BEST4: variants seen among roughly 807,000 people sequenced by gnomAD.
BEST4 encodes bestrophin-4.
A neutral mutation model predicts 47.1 loss-of-function variants in BEST4; 36 were observed. The observed-to-expected ratio is 0.76, with a 90% CI of 0.59 to 1.01. BEST4 has a LOEUF of 1.01. Among genes scored for constraint, BEST4 ranks in the 50% least tolerant of loss-of-function variants. The probability of loss-of-function intolerance (pLI) is 0.00; values close to 1 mark genes in which losing one functional copy is unlikely to be tolerated. For synonymous variants in BEST4, 250 were observed against 277.8 expected, an observed-to-expected ratio of 0.90 and a Z score of 1.00; for missense variants, 550 against 648.6, an observed-to-expected ratio of 0.85 and a Z score of 1.65.
In BEST4 at chr1:44,785,000, G is replaced by A; in HGVS notation, c.913-15C>T. On this transcript the variant is annotated splice_polypyrimidine_tract_variant and intron_variant, in intron 6 of 8. Coordinates refer to ENST00000372207, the MANE Select transcript of BEST4 (RefSeq NM_153274.3). The surrounding 1 kb of genome is among the most constrained non-coding windows in gnomAD (Gnocchi z 6.2). ...TGTTCAGCCACCTATAGGTGGCAGA[G>A]ACAGGGTTTTCTGGGTTCAGAGCCC... The A allele has an allele frequency of 6.2e-7, 1 of 1,612,180 alleles. No individual in the cohort carries two copies. The highest frequency in any genetic ancestry group is 1.3e-5 in the African/African-American group (1 of 74,974).
Position 44,787,727 on chromosome 1 carries a change from G to A in BEST4, c.-22C>T. 1 of 1,613,386 alleles carries A rather than the reference G, an allele frequency of 6.2e-7. No homozygotes were observed. Among genetic ancestry groups the A allele is most frequent in the Non-Finnish European group, 8.5e-7 (1 of 1,179,930 alleles). ...TCATGGTGCTGGGAGCCTGGGGCAG[G>A]AGGTCACAAGAGTTGCCCCCAGGGC... On this transcript the variant is annotated 5_prime_UTR_variant, in exon 1 of 9. Coordinates refer to ENST00000372207, the MANE Select transcript of BEST4 (RefSeq NM_153274.3).
chr1:44,789,496 C>T (rs1399393809), upstream of BEST4, among the ~76,000 whole-genome samples: 1 of 151,260 alleles, frequency 6.6e-6, no homozygotes, highest in Non-Finnish European at 1.5e-5. Flanking sequence ...GTCGGGAGTT[C>T]GAGATCAGCC....
At chr1:44,792,426 CAAAAAA>C (rs35538089), upstream of BEST4, among the ~76,000 whole-genome samples, 2 of 98,192 alleles carry the variant, frequency 2.0e-5, no homozygotes, top group Non-Finnish European at 4.3e-5. Flanking sequence ...GACTCCATCT[CAAAAAA>C]AAAAAAAAAA....
At chr1:44,792,652 G>A (rs1651442699), upstream of BEST4, among the ~76,000 whole-genome samples, 1 of 152,000 alleles carries the variant, frequency 6.6e-6, no homozygotes, top group South Asian at 2.1e-4. Flanking sequence ...TATTGCTGAA[G>A]CCAATAGCCC....
At chr1:44,785,385 G>A (rs1557613160) in intron 5 of BEST4, 80 bp from the exon 6 acceptor site, 3 of 1,427,192 alleles carry the variant, frequency 2.1e-6, no homozygotes, top group Non-Finnish European at 2.8e-6. Context: ...AGGATCTATG[G>A]GAAGTCTGAC....
chr1:44,784,460 C>T lies in BEST4; in HGVS notation c.1172G>A (p.Ser391Asn). Residue 391 changes from serine (S) to asparagine (N), a missense_variant, in exon 9 of 9, where the codon AGC (serine) becomes AAC (asparagine). Physicochemically the swap from Ser to Asn is conservative, Grantham distance 46 (BLOSUM62 1). This residue lies in a region of BEST4 where 255 missense variants were observed against 286.6 expected (regional missense o/e 0.89). Coordinates refer to ENST00000372207, the MANE Select transcript of BEST4 (RefSeq NM_153274.3). The surrounding 1 kb of genome is among the most constrained non-coding windows in gnomAD (Gnocchi z 6.2). ...NLRMSDDPEQ[S>N]LQVEASPGSG... ...TCCGGGGGACGCCTCCACCTGCAGG[C>T]TCTGCTCAGGGTCGTCGCTCATGCT... 4 of 1,442,778 alleles carry T rather than the reference C, an allele frequency of 2.8e-6. No individual in the cohort carries two copies. The highest frequency in any genetic ancestry group is 2.8e-5 in the South Asian group (2 of 70,858). The allele number at this position is 1,442,778 out of a possible 1,614,324, so 89.4% of individuals were successfully genotyped here. A position where few individuals can be genotyped will look rare whatever the true frequency, so the allele number is the denominator to read the frequency against.
At chr1:44,782,200 G>A (rs557054574), downstream of BEST4, among the ~76,000 whole-genome samples, 1 of 148,350 alleles carries the variant, frequency 6.7e-6, no homozygotes, top group East Asian at 2.0e-4. Context: ...ACAGATGACC[G>A]TTCTCACCAT....
chr1:44,783,157 G>A (rs1254285383), downstream of BEST4, among the ~76,000 whole-genome samples: 4 of 152,162 alleles, frequency 2.6e-5, no homozygotes, highest in African/African-American at 4.8e-5. Flanking sequence ...GTTTCACCAC[G>A]TTGGCCAGGC....
In BEST4 at chr1:44,788,026, G is replaced by A. The variant is rs969543904; in HGVS notation, c.-321C>T. Among the ~76,000 whole-genome samples the A allele has an allele frequency of 9.9e-5, 15 of 152,198 alleles. No individual in the cohort carries two copies. The highest frequency in any genetic ancestry group is 3.4e-4 in the African/African-American group (14 of 41,458). On this transcript the variant is annotated 5_prime_UTR_variant, in exon 1 of 9. Transcript: ENST00000372207. The stretch of plus-strand genomic sequence containing the variant: ...TCCTGAACTGCTGCGGACAAGAGAC[G>A]CAGCTCCAGCCCAAATCCACTGCTA...
chr1:44,790,458 C>T (rs1039897803), upstream of BEST4, among the ~76,000 whole-genome samples: 1 of 152,106 alleles, frequency 6.6e-6, no homozygotes, highest in Admixed American at 6.6e-5. Context: ...TGGCTCAGAG[C>T]ACCCTCTAGG....
chr1:44,786,730 GGA>G lies in BEST4; in HGVS notation c.248-36_248-35del. 6.7e-7 allele frequency: 1 copy of G among 1,500,184 alleles called. No individual in the cohort carries two copies. Among genetic ancestry groups the G allele is most frequent in the South Asian group, 1.2e-5 (1 of 81,938 alleles). The allele number at this position is 1,500,184 out of a possible 1,614,324, so 92.9% of individuals were successfully genotyped here. The stretch of plus-strand genomic sequence containing the variant: ...CCGCCGTGATAGAGGGAGTAGGAAG[GGA>G]GAGTGGAGAGCCTGGGGGTCGGAGC... On this transcript the variant is annotated intron_variant, in intron 2 of 8. Transcript: ENST00000372207. The surrounding 1 kb of genome is among the most constrained non-coding windows in gnomAD (Gnocchi z 4.9).
downstream of BEST4, among the ~76,000 whole-genome samples, chr1:44,783,401 A>G (rs1651099703): frequency 6.6e-6 from 1 of 152,048 alleles, no homozygotes; most frequent in Non-Finnish European, 1.5e-5. Context: ...ACAAGTCCAA[A>G]TGCTAGGTCT....
At position 44,784,755 on chromosome 1, in the gene BEST4, T is replaced by G; in HGVS notation, c.1022A>C (p.Tyr341Ser). The G allele has an allele frequency of 6.3e-7, 1 of 1,598,864 alleles. No homozygotes were observed. The highest frequency in any genetic ancestry group is 1.7e-5 in the Admixed American group (1 of 58,504). ...CTTCTCAGCGGGGGGAAGGTTCTGG[T>G]ACATTTCGTCCACGGATAGCAGGGA... ...QVSLLSVDEM[Y>S]QNLPPAEKDQ... The change falls in exon 8 of 9, where the codon TAC becomes TCC. Residue 341 changes from tyrosine to serine, a missense_variant. This residue lies in a region of BEST4 where 255 missense variants were observed against 286.6 expected (regional missense o/e 0.89). Transcript: ENST00000372207. This position sits in a 1 kb window ranked among gnomAD's most constrained non-coding sequence, Gnocchi z 6.2.
chr1:44,787,547 C>T lies in BEST4; in HGVS notation c.152+7G>A. ...CACTTGCGCCAGCTCTAAGACCCTGCCCTTACCGGTAGGTGATGCTAAGCA... is the reference window on the plus strand; with the variant it reads ...CACTTGCGCCAGCTCTAAGACCCTGTCCTTACCGGTAGGTGATGCTAAGCA... On this transcript the variant is annotated splice_region_variant and intron_variant, in intron 1 of 8. Transcript: ENST00000372207. The T allele has an allele frequency of 6.2e-7, 1 of 1,614,132 alleles. No individual in the cohort carries two copies. Among genetic ancestry groups the T allele is most frequent in the Non-Finnish European group, 8.5e-7 (1 of 1,180,018 alleles).
At chr1:44,789,674 GACA>G (rs1651361228), upstream of BEST4, among the ~76,000 whole-genome samples, 1 of 151,946 alleles carries the variant, frequency 6.6e-6, no homozygotes, top group Non-Finnish European at 1.5e-5. Flanking sequence ...CTCCAGCCTG[GACA>G]ACAAGAGCAA....
chr1:44,783,284 G>A (rs367982939), downstream of BEST4, among the ~76,000 whole-genome samples: 1 of 152,160 alleles, frequency 6.6e-6, no homozygotes, highest in South Asian at 2.1e-4. Flanking sequence ...CATCAGCCGA[G>A]TGCCCCCAGC....
Position 44,784,182 on chromosome 1 carries a change from G to T in BEST4, c.*28C>A. 7.2e-7 allele frequency: 1 copy of T among 1,387,184 alleles called. No individual in the cohort carries two copies. Among genetic ancestry groups the T allele is most frequent in the Non-Finnish European group, 9.3e-7 (1 of 1,080,856 alleles). 85.9% of individuals were successfully genotyped at this position (1,387,184 alleles called of 1,614,324 possible). ...GGGAGGGAAGGAGGGCAGTGGGTGGGGGAAACCGGGCGGGGGCAGGCGAGA... is the reference window on the plus strand; with the variant it reads ...GGGAGGGAAGGAGGGCAGTGGGTGGTGGAAACCGGGCGGGGGCAGGCGAGA... On this transcript the variant is annotated 3_prime_UTR_variant, in exon 9 of 9. Coordinates refer to ENST00000372207, the MANE Select transcript of BEST4 (RefSeq NM_153274.3). The surrounding 1 kb of genome is among the most constrained non-coding windows in gnomAD (Gnocchi z 6.2).
At position 44,784,894 on chromosome 1, in the gene BEST4, T is replaced by G; in HGVS notation, c.993+11A>C. ...AGCTGCCCTGGACTCCTGATCCTGA[T>G]GCTTGCTCACCTGCAAGTTGCGGTC... On this transcript the variant is annotated intron_variant, in intron 7 of 8. Coordinates refer to ENST00000372207, the MANE Select transcript of BEST4 (RefSeq NM_153274.3). This position sits in a 1 kb window ranked among gnomAD's most constrained non-coding sequence, Gnocchi z 6.2. The G allele has an allele frequency of 6.2e-7, 1 of 1,614,122 alleles. No individual in the cohort carries two copies.
Position 44,787,446 on chromosome 1 carries a change from T to TG in BEST4, c.172dup (p.Gln58ProfsTer56). 1 of 1,614,218 alleles carries TG rather than the reference T, an allele frequency of 6.2e-7. No individual in the cohort carries two copies. The highest frequency in any genetic ancestry group is 8.5e-7 in the Non-Finnish European group (1 of 1,180,032). On this transcript the variant is annotated frameshift_variant, in exon 2 of 9. Coordinates refer to ENST00000372207, the MANE Select transcript of BEST4 (RefSeq NM_153274.3). LOFTEE classifies it high-confidence loss of function. ...GGCCACCTGAGCATACACGTACCTC[T>TG]GCTCCTGGGTCAGCAGCAGCCTGGG...
Sources: allele counts gnomAD v4.1 joint callset (sites outside exome capture counted in the v4.1 genomes callset), GRCh38; gene constraint gnomAD v4.1.1; regional missense constraint gnomAD v4.1.1; non-coding constraint Gnocchi (gnomAD v3.1); transcripts MANE v1.5; gene names NCBI Gene and HGNC (gene_info 2026-07-23, HGNC 2026-07-21).